The following SLCO2A1 variants were observed in gnomAD, a reference collection of about 807,000 sequenced individuals.
The protein encoded by SLCO2A1 is matrin F/G 1.
SLCO2A1 carries 60 observed loss-of-function variants against 71.7 expected under a neutral mutation model. That is an observed-to-expected ratio of 0.84 (90% CI 0.68 to 1.04). SLCO2A1 has a LOEUF of 1.04. Ranked by LOEUF, SLCO2A1 falls within the 50% of genes least tolerant of loss-of-function variation. SLCO2A1 has a pLI of 0.00. For synonymous variants in SLCO2A1, 308 were observed against 326.7 expected (o/e 0.94, Z 0.62); for missense variants, 745 against 813.4 (o/e 0.92, Z 1.02).
At chr3:133,965,193 A>G (rs1934135689) in intron 3 of SLCO2A1, among the ~76,000 whole-genome samples, 1 of 152,074 alleles carries the variant, frequency 6.6e-6, no homozygotes, top group Non-Finnish European at 1.5e-5. Context: ...AACCAACCTC[A>G]TTTCCTTTGT....
chr3:133,955,010 TAGG>T lies in SLCO2A1; in HGVS notation c.578_580del (p.Ser193del). ...GCTGGGCTCTGAGAAGTCATCCACA[TAGG>T]AGATCCCAAATGGCTGAATAGGCAC... is the stretch of plus-strand genomic sequence containing the variant. On this transcript the variant is annotated inframe_deletion, in exon 4 of 14. Coordinates refer to ENST00000310926, the MANE Select transcript of SLCO2A1 (RefSeq NM_005630.3). The T allele has an allele frequency of 6.2e-7, 1 of 1,614,120 alleles. No individual in the cohort carries two copies. The highest frequency in any genetic ancestry group is 8.5e-7 in the Non-Finnish European group (1 of 1,180,010).
At chr3:133,964,044 TC>T (rs2108050269) in intron 3 of SLCO2A1, among the ~76,000 whole-genome samples, 1 of 152,356 alleles carries the variant, frequency 6.6e-6, no homozygotes, top group Non-Finnish European at 1.5e-5. Context: ...TGTGTTCTAT[TC>T]CAGCTAAACT....
chr3:134,003,746 C>A (rs1414374543), intron 1 of SLCO2A1, among the ~76,000 whole-genome samples: 1 of 152,186 alleles, frequency 6.6e-6, no homozygotes, highest in Non-Finnish European at 1.5e-5. Flanking sequence ...GGCTAGGCCA[C>A]AGTCTGCAGT....
At position 133,964,989 on chromosome 3, in the gene SLCO2A1, G is replaced by T. The variant is rs185373142; in HGVS notation, c.397+8674C>A. Among the ~76,000 whole-genome samples, 23 of 152,310 alleles carry T rather than the reference G, an allele frequency of 1.5e-4. No homozygotes were observed. The East Asian group carries it at 4.2e-3, about 28-fold the overall frequency. On this transcript the variant is annotated intron_variant, in intron 3 of 13. Coordinates refer to ENST00000310926, the MANE Select transcript of SLCO2A1 (RefSeq NM_005630.3). Reference sequence around the variant, plus strand: ...AAGGAAGACATACCTGAGGGAGCAGGATGCAGCTCAGAGCCATTTAATTTT... The same window carrying T: ...AAGGAAGACATACCTGAGGGAGCAGTATGCAGCTCAGAGCCATTTAATTTT...
rs1001907761 is a variant in SLCO2A1, at chr3:133,955,464, C to T, written c.398-271G>A. The T allele has an allele frequency of 2.5e-5, 12 of 481,776 alleles. No homozygotes were observed. In the Admixed American group the frequency reaches 3.3e-4, roughly 13 times the overall value. The allele number at this position is 481,776 out of a possible 1,614,324, so 29.8% of individuals were successfully genotyped here. On this transcript the variant is annotated intron_variant, in intron 3 of 13. Transcript: ENST00000310926. ...CTCAGGTGGAGAGGAATCTTCCTCTCGTGAGTGTCCATGCCTTCTCCTCCA... is the reference window on the plus strand; with the variant it reads ...CTCAGGTGGAGAGGAATCTTCCTCTTGTGAGTGTCCATGCCTTCTCCTCCA...
At chr3:133,959,412 C>T (rs1245912155) in intron 3 of SLCO2A1, among the ~76,000 whole-genome samples, 1 of 132,994 alleles carries the variant, frequency 7.5e-6, no homozygotes, top group Admixed American at 7.1e-5. Context: ...AAAAAAAAAA[C>T]AGAAAACGAG....
intron 1 of SLCO2A1, among the ~76,000 whole-genome samples, chr3:134,008,225 A>G (rs576194136): frequency 6.6e-6 from 1 of 152,324 alleles, no homozygotes; most frequent in East Asian, 1.9e-4. Context: ...TCACAAAACC[A>G]AATCCTTTTT....
intron 1 of SLCO2A1, among the ~76,000 whole-genome samples, chr3:134,008,536 C>A (rs1935269370): frequency 6.6e-6 from 1 of 152,186 alleles, no homozygotes; most frequent in Non-Finnish European, 1.5e-5. Flanking sequence ...CAAGAATGTT[C>A]TCTACATCCT....
intron 1 of SLCO2A1, among the ~76,000 whole-genome samples, chr3:134,026,812 TATAG>T (rs1935709578): frequency 6.6e-6 from 1 of 152,170 alleles, no homozygotes; most frequent in Non-Finnish European, 1.5e-5. Context: ...GCTGCCTACA[TATAG>T]ATAATCAAGG....
intron 3 of SLCO2A1, among the ~76,000 whole-genome samples, chr3:133,965,933 G>C (rs9836830): frequency 0.51 from 76,882 of 152,000 alleles, 19,532 homozygotes; most frequent in South Asian, 0.57. Flanking sequence ...TATAGGAAGA[G>C]AGAATTCAGG....
Position 133,934,924 on chromosome 3 carries a change from C to T in SLCO2A1, c.1815-94G>A, listed in dbSNP as rs560471213. The T allele has an allele frequency of 6.9e-5, 66 of 961,416 alleles. No homozygotes were observed. In the African/African-American group the frequency reaches 8.0e-4, roughly 12 times the overall value. 59.6% of individuals were successfully genotyped at this position (961,416 alleles called of 1,614,324 possible). A position where few individuals can be genotyped will look rare whatever the true frequency, so the allele number is the denominator to read the frequency against. On this transcript the variant is annotated intron_variant, in intron 13 of 13. Transcript: ENST00000310926. ...ACTGGGAAGAACCACATCATTCCCA[C>T]GCTGGCCCGCGGAAGGTGTGGGCAC...
At chr3:133,984,791 A>C (rs1360451011) in intron 1 of SLCO2A1, among the ~76,000 whole-genome samples, 1 of 152,212 alleles carries the variant, frequency 6.6e-6, no homozygotes, top group African/African-American at 2.4e-5. Flanking sequence ...ATATAGTGTT[A>C]TAGTTTTTGA....
rs140634316 is a variant in SLCO2A1 at position 133,968,434 on chromosome 3, G to A, written c.397+5229C>T. Reference sequence around the variant, plus strand: ...TCCTCACCAGTTCACTCAGGATCCCGAGGCTCCCCGGCCCTGTGCCTTCCC... The same window carrying A: ...TCCTCACCAGTTCACTCAGGATCCCAAGGCTCCCCGGCCCTGTGCCTTCCC... On this transcript the variant is annotated intron_variant, in intron 3 of 13. Transcript: ENST00000310926. Among the ~76,000 whole-genome samples the A allele has an allele frequency of 5.1e-3, 775 of 152,234 alleles. 6 individuals carry two copies. The highest frequency in any genetic ancestry group is 0.016 in the African/African-American group (672 of 41,546).
At chr3:133,972,331 G>C (rs4854778) in intron 3 of SLCO2A1, among the ~76,000 whole-genome samples, 27,558 of 152,042 alleles carry the variant, frequency 0.18, 2,867 homozygotes, top group East Asian at 0.28. Context: ...AATTACCCAG[G>C]ATGCAGCATA....
chr3:133,986,720 TG>T (rs1224726322), intron 1 of SLCO2A1, among the ~76,000 whole-genome samples: 1 of 152,132 alleles, frequency 6.6e-6, no homozygotes, highest in East Asian at 1.9e-4. Context: ...AAGGTAAATT[TG>T]GGGGTGTGGG....
chr3:133,936,619 G>A (rs1451670355), intron 12 of SLCO2A1, among the ~76,000 whole-genome samples: 1 of 152,126 alleles, frequency 6.6e-6, no homozygotes, highest in Non-Finnish European at 1.5e-5. Flanking sequence ...GCAGTTACTG[G>A]ACTGCGGAGG....
At chr3:134,016,222 C>T (rs945769642) in intron 1 of SLCO2A1, among the ~76,000 whole-genome samples, 4 of 151,702 alleles carry the variant, frequency 2.6e-5, no homozygotes, top group African/African-American at 9.7e-5. Flanking sequence ...CTGTAAAATA[C>T]CTTGTTAAGA....
At chr3:134,029,498 A>G (rs560798961) in intron 1 of SLCO2A1, among the ~76,000 whole-genome samples, 2 of 148,466 alleles carry the variant, frequency 1.3e-5, no homozygotes, top group Non-Finnish European at 3.0e-5. Flanking sequence ...ACTCGCACGC[A>G]CACACACACG....
At chr3:133,993,374 T>C (rs1267215665) in intron 1 of SLCO2A1, among the ~76,000 whole-genome samples, 1 of 152,320 alleles carries the variant, frequency 6.6e-6, no homozygotes. Flanking sequence ...AGCATGTGGA[T>C]AGCTGGAGTG....
Sources: allele counts gnomAD v4.1 joint callset (sites outside exome capture counted in the v4.1 genomes callset), GRCh38; gene constraint gnomAD v4.1.1; transcripts MANE v1.5; gene names NCBI Gene and HGNC (gene_info 2026-07-23, HGNC 2026-07-21).